Variants in EPAS1 observed in about 807,000 individuals in gnomAD.
The protein encoded by EPAS1 is endothelial PAS domain protein 1, also known as endothelial PAS domain-containing protein 1.
EPAS1 carries 23 observed loss-of-function variants against 87.9 expected under a neutral mutation model. That is an observed-to-expected ratio of 0.26 (90% CI 0.19 to 0.37). EPAS1 has a LOEUF of 0.37. Among genes scored for constraint, EPAS1 ranks in the 10% least tolerant of loss-of-function variants. EPAS1 has a pLI of 1.00. For synonymous variants in EPAS1, 508 were observed against 444.3 expected (o/e 1.14, Z -1.80); for missense variants, 1,138 against 1,120.7 (o/e 1.02, Z -0.22).
rs2103616421 is a variant in EPAS1 at position 46,347,079 on chromosome 2, T to C, written c.217+16T>C. The C allele has an allele frequency of 6.2e-7, 1 of 1,614,066 alleles. No homozygotes were observed. The highest frequency in any genetic ancestry group is 8.5e-7 in the Non-Finnish European group (1 of 1,179,956). The stretch of plus-strand genomic sequence containing the variant: ...CTCTCCTCAGGTAAGGCCAGCAGGC[T>C]CCCCTAGGCTGGGCAGATGCCAGCC... On this transcript the variant is annotated intron_variant, in intron 2 of 15. Coordinates refer to ENST00000263734, the MANE Select transcript of EPAS1 (RefSeq NM_001430.5). This position sits in a 1 kb window ranked among gnomAD's most constrained non-coding sequence, Gnocchi z 4.2.
At chr2:46,338,984 T>C (rs774755854) in intron 1 of EPAS1, among the ~76,000 whole-genome samples, 3 of 152,202 alleles carry the variant, frequency 2.0e-5, no homozygotes, top group East Asian at 1.9e-4. Flanking sequence ...TGGATACATA[T>C]CTTTTATTGT....
chr2:46,300,800 G>T lies in EPAS1; in HGVS notation c.26+2863G>T, dbSNP rs1682980710. Among the ~76,000 whole-genome samples the T allele has an allele frequency of 6.6e-6, 1 of 152,190 alleles. No individual in the cohort carries two copies. Among genetic ancestry groups the T allele is most frequent in the Non-Finnish European group, 1.5e-5 (1 of 68,038 alleles). ...ACCTTCCCAGAGTGCTTATACAGTA[G>T]TGCTCAGTACAGGGCTAGCGTGGAA... On this transcript the variant is annotated intron_variant, in intron 1 of 15. Coordinates refer to ENST00000263734, the MANE Select transcript of EPAS1 (RefSeq NM_001430.5). The surrounding 1 kb of genome is among the most constrained non-coding windows in gnomAD (Gnocchi z 4.1).
chr2:46,355,665 T>C (rs1379400436), intron 2 of EPAS1, among the ~76,000 whole-genome samples: 2 of 152,238 alleles, frequency 1.3e-5, no homozygotes, highest in African/African-American at 2.4e-5. Flanking sequence ...ATGTTTGCAC[T>C]GGATAAATAC....
chr2:46,374,263 G>A (rs955604729), intron 7 of EPAS1, among the ~76,000 whole-genome samples: 11 of 152,154 alleles, frequency 7.2e-5, no homozygotes, highest in Non-Finnish European at 1.5e-4. Context: ...CAGGAGAACC[G>A]GGGAGACTCT....
chr2:46,323,847 A>G (rs1434252983), intron 1 of EPAS1, among the ~76,000 whole-genome samples: 1 of 152,226 alleles, frequency 6.6e-6, no homozygotes. Context: ...GCAAAGATAT[A>G]CATGAGTAAT....
At position 46,376,744 on chromosome 2, in the gene EPAS1, C is replaced by G; in HGVS notation, c.1240C>G (p.Leu414Val). The G allele has an allele frequency of 6.2e-7, 1 of 1,612,302 alleles. No individual in the cohort carries two copies. ...APTPGDAIIS[L>V]DFGNQNFEES... ...CACCCCAGGAGACGCCATCATCTCTCTGGATTTCGGTGGGTGCTTCTTAGC... is the reference window on the plus strand; with the variant it reads ...CACCCCAGGAGACGCCATCATCTCTGTGGATTTCGGTGGGTGCTTCTTAGC... The change falls in exon 9 of 16, where the codon CTG becomes GTG. Residue 414 changes from leucine to valine, a missense_variant. Transcript: ENST00000263734.
intron 1 of EPAS1, among the ~76,000 whole-genome samples, chr2:46,343,968 G>T (rs748936031): frequency 6.6e-6 from 1 of 152,228 alleles, no homozygotes; most frequent in Non-Finnish European, 1.5e-5. Context: ...ATTAGATAGG[G>T]ATCCCCTGTG....
intron 1 of EPAS1, among the ~76,000 whole-genome samples, chr2:46,344,477 C>A (rs1175779652): frequency 1.3e-5 from 2 of 152,232 alleles, no homozygotes; most frequent in African/African-American, 2.4e-5. Flanking sequence ...TTTCACCTGA[C>A]CCTCCTGATC....
At position 46,386,092 on chromosome 2, in the gene EPAS1, C is replaced by T. The variant is rs1196507873; in HGVS notation, c.*1432C>T. 1 of 152,704 alleles carries T rather than the reference C, an allele frequency of 6.5e-6. No individual in the cohort carries two copies. Among genetic ancestry groups the T allele is most frequent in the Non-Finnish European group, 1.5e-5 (1 of 68,082 alleles). 9.5% of individuals were successfully genotyped at this position (152,704 alleles called of 1,614,324 possible). ...TCCAGGGATGGCCCCTAGCCACAGG[C>T]CCTGGCTGAGGTCTCTGGGTCGGTC... On this transcript the variant is annotated 3_prime_UTR_variant, in exon 16 of 16. Coordinates refer to ENST00000263734, the MANE Select transcript of EPAS1 (RefSeq NM_001430.5).
Position 46,380,803 on chromosome 2 carries a change from TG to T in EPAS1, c.2045+87del. 1.9e-6 allele frequency: 3 copies of T among 1,593,418 alleles called. No individual in the cohort carries two copies. The highest frequency in any genetic ancestry group is 2.5e-6 in the Non-Finnish European group (3 of 1,176,730). On this transcript the variant is annotated intron_variant, in intron 12 of 15. Transcript: ENST00000263734. The surrounding 1 kb of genome is among the most constrained non-coding windows in gnomAD (Gnocchi z 4.4). ...ATAGCTGGACCCCCAGGGAGGCCCCTGCCCCTCTCCCCAGCCATCTGATACC... is the reference window on the plus strand; with the variant it reads ...ATAGCTGGACCCCCAGGGAGGCCCCTCCCCTCTCCCCAGCCATCTGATACC...
In EPAS1 at chr2:46,347,204, AT is replaced by A; in HGVS notation, c.217+144del. ...ACCCACAGAAACACCATCATGAGTGATTTATTCCTTCATGTTAAACATCTCT... is the reference window on the plus strand; with the variant it reads ...ACCCACAGAAACACCATCATGAGTGATTATTCCTTCATGTTAAACATCTCT... On this transcript the variant is annotated intron_variant, in intron 2 of 15. Coordinates refer to ENST00000263734, the MANE Select transcript of EPAS1 (RefSeq NM_001430.5). The surrounding 1 kb of genome is among the most constrained non-coding windows in gnomAD (Gnocchi z 4.2). 1 of 879,324 alleles carries A rather than the reference AT, an allele frequency of 1.1e-6. No homozygotes were observed. Among genetic ancestry groups the A allele is most frequent in the Non-Finnish European group, 1.9e-6 (1 of 538,116 alleles). 54.5% of individuals were successfully genotyped at this position (879,324 alleles called of 1,614,324 possible). A position where few individuals can be genotyped will look rare whatever the true frequency, so the allele number is the denominator to read the frequency against.
chr2:46,380,111 GAGC>G lies in EPAS1; in HGVS notation c.1555-111_1555-109del. 1 of 1,556,794 alleles carries G rather than the reference GAGC, an allele frequency of 6.4e-7. No homozygotes were observed. The highest frequency in any genetic ancestry group is 8.8e-7 in the Non-Finnish European group (1 of 1,142,306). The stretch of plus-strand genomic sequence containing the variant: ...CCCTCGGGAGCCAGTGGAGGCGTTT[GAGC>G]AGCACTGTGAAACAGTGCTTGAGAT... On this transcript the variant is annotated intron_variant, in intron 11 of 15. Transcript: ENST00000263734. This position sits in a 1 kb window ranked among gnomAD's most constrained non-coding sequence, Gnocchi z 4.4.
intron 4 of EPAS1, among the ~76,000 whole-genome samples, chr2:46,358,956 C>A (rs1323532245): frequency 1.3e-5 from 2 of 152,034 alleles, no homozygotes; most frequent in Non-Finnish European, 2.9e-5. Context: ...CTGTGTGGAG[C>A]AGTGTTTAGA....
rs1684620202 is a variant in EPAS1, at chr2:46,371,140, G to C, written c.886+1207G>C. ...CAGTGGTGCTGAGAGGATTATGGGA[G>C]GATTAAAAACGGGTAAAGTAAGTCT... On this transcript the variant is annotated intron_variant, in intron 7 of 15. Transcript: ENST00000263734. This position sits in a 1 kb window ranked among gnomAD's most constrained non-coding sequence, Gnocchi z 4.3. 6.6e-6 allele frequency among the ~76,000 whole-genome samples: 1 copy of C among 152,174 alleles called. No homozygotes were observed. Among genetic ancestry groups the C allele is most frequent in the Non-Finnish European group, 1.5e-5 (1 of 68,038 alleles).
At position 46,367,474 on chromosome 2, in the gene EPAS1, C is replaced by T. The variant is rs1684526398; in HGVS notation, c.780-2353C>T. Among the ~76,000 whole-genome samples, 3 of 152,246 alleles carry T rather than the reference C, an allele frequency of 2.0e-5. No individual in the cohort carries two copies. In the South Asian group the frequency reaches 6.2e-4, roughly 31 times the overall value. On this transcript the variant is annotated intron_variant, in intron 6 of 15. Coordinates refer to ENST00000263734, the MANE Select transcript of EPAS1 (RefSeq NM_001430.5). The stretch of plus-strand genomic sequence containing the variant: ...CAGGCTAAGCTTGAAAGTCATCCGA[C>T]CCAGCAGCGAAGCCATTTGATCGTA...
At chr2:46,308,921 T>G (rs1023726208) in intron 1 of EPAS1, among the ~76,000 whole-genome samples, 1 of 152,236 alleles carries the variant, frequency 6.6e-6, no homozygotes, top group African/African-American at 2.4e-5. Context: ...GTCTGTATTT[T>G]GTTATTTGTA....
intron 6 of EPAS1, among the ~76,000 whole-genome samples, chr2:46,364,111 G>A (rs990509668): frequency 3.9e-5 from 6 of 152,120 alleles, no homozygotes; most frequent in Admixed American, 2.6e-4. Flanking sequence ...TACACTCTCC[G>A]CCTCAATTCC....
At chr2:46,305,803 G>C (rs1018293871) in intron 1 of EPAS1, among the ~76,000 whole-genome samples, 1 of 152,156 alleles carries the variant, frequency 6.6e-6, no homozygotes, top group African/African-American at 2.4e-5. Flanking sequence ...GATTTTATCT[G>C]GTTAGGCCGT....
Position 46,297,656 on chromosome 2 carries a change from A to C in EPAS1, c.-256A>C. The C allele has an allele frequency of 1.9e-6, 1 of 526,770 alleles. No homozygotes were observed. Among genetic ancestry groups the C allele is most frequent in the East Asian group, 3.4e-5 (1 of 28,986 alleles). 32.6% of individuals were successfully genotyped at this position (526,770 alleles called of 1,614,324 possible). A position where few individuals can be genotyped will look rare whatever the true frequency, so the allele number is the denominator to read the frequency against. ...TCTCCGTCCTCTTTTCGGGTCTGAC[A>C]GCCTCCACCCACTCCTTCCCCGGAC... is the stretch of plus-strand genomic sequence containing the variant. On this transcript the variant is annotated 5_prime_UTR_variant, in exon 1 of 16. Transcript: ENST00000263734.
Sources: allele counts gnomAD v4.1 joint callset (sites outside exome capture counted in the v4.1 genomes callset), GRCh38; gene constraint gnomAD v4.1.1; non-coding constraint Gnocchi (gnomAD v3.1); transcripts MANE v1.5; gene names NCBI Gene and HGNC (gene_info 2026-07-23, HGNC 2026-07-21).